The following BLTP1 variants were observed in gnomAD, a reference collection of about 807,000 sequenced individuals.
BLTP1 encodes the protein bridge-like lipid transfer protein family member 1.
At chr4:122,249,500 C>T in the BLTP1 span, 1 of 1,612,950 alleles carries the variant, frequency 6.2e-7, no homozygotes, top group East Asian at 2.2e-5. Flanking sequence ...GGGACCTGTG[C>T]AATCACTGCT....
At chr4:122,358,087 A>G in the BLTP1 span, among the ~76,000 whole-genome samples, 1 of 152,220 alleles carries the variant, frequency 6.6e-6, no homozygotes, top group Non-Finnish European at 1.5e-5. Context: ...ATATATAAGT[A>G]GATAAAATCT....
chr4:122,342,475 C>T, the BLTP1 span, among the ~76,000 whole-genome samples: 16 of 152,204 alleles, frequency 1.1e-4, no homozygotes, highest in African/African-American at 3.6e-4. Flanking sequence ...CCTGCCTCAG[C>T]CTCCTGAGTA....
chr4:122,293,436 A>AC, the BLTP1 span, among the ~76,000 whole-genome samples: 1 of 152,014 alleles, frequency 6.6e-6, no homozygotes, highest in Non-Finnish European at 1.5e-5. Context: ...GGGAGCCCCC[A>AC]CCCCCAGGCA....
chr4:122,248,105 T>A, the BLTP1 span: 2 of 985,262 alleles, frequency 2.0e-6, no homozygotes, highest in Non-Finnish European at 2.4e-6. Context: ...GTGTACCTGT[T>A]TTGACTTTCT....
chr4:122,215,836 C>T, the BLTP1 span, among the ~76,000 whole-genome samples: 12 of 150,546 alleles, frequency 8.0e-5, no homozygotes, highest in Non-Finnish European at 5.9e-5. Context: ...TATCCCTCAC[C>T]CCCCCCATCC....
chr4:122,258,830 C>T, the BLTP1 span: 1 of 1,607,626 alleles, frequency 6.2e-7, no homozygotes, highest in Non-Finnish European at 8.5e-7. Context: ...AGTGACTCTG[C>T]ATTAAAAATA....
chr4:122,170,777 G>GTT, the BLTP1 span: 1 of 1,490,436 alleles, frequency 6.7e-7, no homozygotes, highest in South Asian at 1.3e-5. Context: ...ATTTTATTGT[G>GTT]TTTTAAGTAT....
the BLTP1 span, among the ~76,000 whole-genome samples, chr4:122,218,847 G>T: frequency 6.6e-6 from 1 of 152,184 alleles, no homozygotes; most frequent in Non-Finnish European, 1.5e-5. Context: ...CAATAACCAA[G>T]ATTGGATATT....
the BLTP1 span, among the ~76,000 whole-genome samples, chr4:122,332,723 T>C: frequency 1.4e-5 from 2 of 144,872 alleles, no homozygotes; most frequent in East Asian, 2.1e-4. Flanking sequence ...GCTGGTGTGC[T>C]GCACCCACTA....
the BLTP1 span, chr4:122,180,148 T>C: frequency 3.0e-6 from 3 of 984,914 alleles, no homozygotes; most frequent in Non-Finnish European, 2.4e-6. Context: ...AGGAGGTAAA[T>C]AAATAGTAGA....
the BLTP1 span, among the ~76,000 whole-genome samples, chr4:122,297,303 A>G: frequency 6.6e-6 from 1 of 152,236 alleles, no homozygotes; most frequent in African/African-American, 2.4e-5. Flanking sequence ...CGTATGAAAA[A>G]AGCTCAGCAT....
At chr4:122,335,019 T>C in the BLTP1 span, among the ~76,000 whole-genome samples, 2 of 152,088 alleles carry the variant, frequency 1.3e-5, no homozygotes, top group Non-Finnish European at 2.9e-5. Context: ...TTATGGTCTT[T>C]TACAAGATTG....
chr4:122,261,486 A>G, the BLTP1 span: 2 of 981,168 alleles, frequency 2.0e-6, no homozygotes, highest in Middle Eastern at 5.3e-4. Flanking sequence ...TTGATCGGCC[A>G]TTCTAATCAT....
chr4:122,181,481 A>G, the BLTP1 span, among the ~76,000 whole-genome samples: 40 of 152,202 alleles, frequency 2.6e-4, no homozygotes, highest in East Asian at 2.1e-3. Context: ...AGAAACATCA[A>G]CTTCCTTCTT....
At chr4:122,163,574 A>G in the BLTP1 span, among the ~76,000 whole-genome samples, 1 of 152,242 alleles carries the variant, frequency 6.6e-6, no homozygotes, top group Non-Finnish European at 1.5e-5. Context: ...TTGGCTGCCA[A>G]TAGCAAACAT....
At chr4:122,316,425 CCT>C in the BLTP1 span, 329 of 479,616 alleles carry the variant, frequency 6.9e-4, 1 homozygote, top group Middle Eastern at 4.5e-3. Context: ...ACCTACTAGG[CCT>C]GACACCCCCA....
chr4:122,207,753 C>G, the BLTP1 span: 3 of 1,069,366 alleles, frequency 2.8e-6, 1 homozygote, highest in South Asian at 6.5e-5. Flanking sequence ...GTATTTTTAG[C>G]TTTCCTCCAA....
chr4:122,310,359 G>C, the BLTP1 span, among the ~76,000 whole-genome samples: 2 of 152,048 alleles, frequency 1.3e-5, no homozygotes, highest in African/African-American at 2.4e-5. Context: ...TGGGGGGCTT[G>C]TGTAATAAAA....
chr4:122,200,182 A>C, the BLTP1 span: 3 of 916,256 alleles, frequency 3.3e-6, no homozygotes, highest in African/African-American at 5.4e-5. Context: ...AATATACCTT[A>C]AAGTGGCATA....
Sources: allele counts gnomAD v4.1 joint callset (sites outside exome capture counted in the v4.1 genomes callset), GRCh38; gene constraint gnomAD v4.1.1; transcripts MANE v1.5; gene names NCBI Gene and HGNC (gene_info 2026-07-23, HGNC 2026-07-21).